Variants in CFAP299 observed in about 807,000 individuals in gnomAD.
CFAP299 encodes the protein cilia- and flagella-associated protein 299.
A neutral mutation model predicts 27.0 loss-of-function variants in CFAP299; 21 were observed. The observed-to-expected ratio is 0.78, with a 90% CI of 0.55 to 1.12. The LOEUF (loss-of-function observed/expected upper bound fraction) is 1.12, where lower values mean the gene tolerates loss of function less well. CFAP299 is among the 50% of genes most tolerant of loss of function. CFAP299 has a pLI of 0.00. For missense variants in CFAP299, 310 were observed against 276.6 expected (o/e 1.12, Z -0.86); for synonymous variants, 104 against 98.1 (o/e 1.06, Z -0.36).
intron 3 of CFAP299, among the ~76,000 whole-genome samples, chr4:80,622,594 A>G (rs1009186566): frequency 1.3e-5 from 2 of 152,204 alleles, no homozygotes; most frequent in African/African-American, 2.4e-5. Context: ...GTTTCTAATA[A>G]TAACTTTGCA....
chr4:80,792,285 T>A lies in CFAP299; in HGVS notation c.334-77708T>A, dbSNP rs536882261. The stretch of plus-strand genomic sequence containing the variant: ...AAGTATTTGCAGGGGTCAGGCAGAC[T>A]TTTGAAGTAAATTATGTCTGGGTTG... On this transcript the variant is annotated intron_variant, in intron 3 of 5. Transcript: ENST00000358105. 4.6e-5 allele frequency among the ~76,000 whole-genome samples: 7 copies of A among 152,222 alleles called. No individual in the cohort carries two copies. In the East Asian group the frequency reaches 1.4e-3, roughly 29 times the overall value.
chr4:80,877,925 G>T (rs1229135950), intron 4 of CFAP299, among the ~76,000 whole-genome samples: 1 of 151,924 alleles, frequency 6.6e-6, no homozygotes, highest in South Asian at 2.1e-4. Flanking sequence ...GTCTATGTTT[G>T]TACTATTTGA....
intron 2 of CFAP299, chr4:80,388,542 T>A: frequency 6.9e-7 from 1 of 1,458,036 alleles, no homozygotes; most frequent in Admixed American, 1.7e-5. Flanking sequence ...AATTGCTTCT[T>A]ACACTTCCCA....
At chr4:80,473,613 C>T (rs1448281560) in intron 2 of CFAP299, among the ~76,000 whole-genome samples, 3 of 151,966 alleles carry the variant, frequency 2.0e-5, no homozygotes, top group Admixed American at 2.0e-4. Context: ...CCTTGTTGCC[C>T]AAGCTGGAGT....
At chr4:80,861,960 G>C (rs992879419) in intron 3 of CFAP299, among the ~76,000 whole-genome samples, 4 of 151,986 alleles carry the variant, frequency 2.6e-5, no homozygotes, top group Non-Finnish European at 5.9e-5. Context: ...CTTCTTCCAA[G>C]TACTTAAAGC....
chr4:80,439,803 G>A (rs964252950), intron 2 of CFAP299, among the ~76,000 whole-genome samples: 1 of 152,160 alleles, frequency 6.6e-6, no homozygotes, highest in Non-Finnish European at 1.5e-5. Context: ...ATCCACTGGC[G>A]GGAAATTCTT....
intron 3 of CFAP299, among the ~76,000 whole-genome samples, chr4:80,843,536 A>G (rs1374226429): frequency 6.6e-6 from 1 of 152,082 alleles, no homozygotes; most frequent in Non-Finnish European, 1.5e-5. Context: ...GCCACAACAA[A>G]CATACGTGTG....
chr4:80,778,710 C>T (rs1229909060), intron 3 of CFAP299, among the ~76,000 whole-genome samples: 1 of 152,070 alleles, frequency 6.6e-6, no homozygotes, highest in Non-Finnish European at 1.5e-5. Flanking sequence ...AGGGAACCAA[C>T]TACATCTTTT....
At chr4:80,882,168 A>G (rs1733737036) in intron 4 of CFAP299, among the ~76,000 whole-genome samples, 1 of 152,196 alleles carries the variant, frequency 6.6e-6, no homozygotes, top group East Asian at 1.9e-4. Context: ...ATAGAGATAA[A>G]AATTGGTAGA....
At chr4:80,926,120 C>G (rs543581300) in intron 4 of CFAP299, among the ~76,000 whole-genome samples, 1 of 152,040 alleles carries the variant, frequency 6.6e-6, no homozygotes, top group Admixed American at 6.6e-5. Flanking sequence ...GTAGTCCAGG[C>G]AAAGAAAACA....
intron 2 of CFAP299, among the ~76,000 whole-genome samples, chr4:80,414,019 C>A (rs535004806): frequency 6.7e-5 from 10 of 149,728 alleles, no homozygotes; most frequent in Non-Finnish European, 1.3e-4. Context: ...CAGTTGTCTT[C>A]TTGGAGCCAG....
intron 3 of CFAP299, among the ~76,000 whole-genome samples, chr4:80,632,991 TA>T (rs1169148733): frequency 2.0e-5 from 3 of 152,166 alleles, no homozygotes; most frequent in African/African-American, 7.2e-5. Context: ...ATAGCACAAT[TA>T]AGACACAAAA....
intron 3 of CFAP299, among the ~76,000 whole-genome samples, chr4:80,753,843 T>C (rs1725076635): frequency 1.3e-5 from 2 of 152,132 alleles, no homozygotes; most frequent in Admixed American, 6.6e-5. Context: ...AGCATTTCCA[T>C]TTGAATATTT....
intron 3 of CFAP299, among the ~76,000 whole-genome samples, chr4:80,759,893 G>A (rs1725455949): frequency 2.0e-5 from 3 of 151,542 alleles, no homozygotes; most frequent in Admixed American, 1.3e-4. Flanking sequence ...TTGTAAACCT[G>A]TGGATCTCAT....
chr4:80,772,910 ATATGTT>A (rs746620782), intron 3 of CFAP299, among the ~76,000 whole-genome samples: 3 of 152,220 alleles, frequency 2.0e-5, no homozygotes, highest in Non-Finnish European at 4.4e-5. Flanking sequence ...ACATGCACAC[ATATGTT>A]TATTGTAGCA....
At chr4:80,880,097 A>C (rs1374262242) in intron 4 of CFAP299, among the ~76,000 whole-genome samples, 1 of 152,108 alleles carries the variant, frequency 6.6e-6, no homozygotes, top group Non-Finnish European at 1.5e-5. Flanking sequence ...GAATGGGAAA[A>C]AGAAATGAGG....
At chr4:80,708,025 G>T (rs1284875674) in intron 3 of CFAP299, among the ~76,000 whole-genome samples, 3 of 152,038 alleles carry the variant, frequency 2.0e-5, no homozygotes, top group Non-Finnish European at 4.4e-5. Context: ...ATTAGTGCAA[G>T]CTTGATAGTT....
At chr4:80,521,001 G>A (rs774881829) in intron 2 of CFAP299, among the ~76,000 whole-genome samples, 1 of 152,064 alleles carries the variant, frequency 6.6e-6, no homozygotes, top group Non-Finnish European at 1.5e-5. Flanking sequence ...TGCAGTGAAT[G>A]CAAATAGGAA....
At chr4:80,720,887 G>A (rs1250673296) in intron 3 of CFAP299, among the ~76,000 whole-genome samples, 2 of 152,010 alleles carry the variant, frequency 1.3e-5, no homozygotes, top group African/African-American at 4.8e-5. Context: ...TTAGATGAAA[G>A]TCTAAATGTG....
Sources: allele counts gnomAD v4.1 joint callset (sites outside exome capture counted in the v4.1 genomes callset), GRCh38; gene constraint gnomAD v4.1.1; transcripts MANE v1.5; gene names NCBI Gene and HGNC (gene_info 2026-07-23, HGNC 2026-07-21).